The following CEP350 variants were observed in gnomAD, a reference collection of about 807,000 sequenced individuals.
CEP350 encodes the protein centrosome-associated protein 350.
In CEP350, 126 loss-of-function variants were observed where a neutral mutation model predicts 331.8. The ratio of observed to expected loss-of-function variants is 0.38; its 90% CI spans 0.33 to 0.44. The LOEUF (loss-of-function observed/expected upper bound fraction) is 0.44, where lower values mean the gene tolerates loss of function less well. Among genes scored for constraint, CEP350 ranks in the 20% least tolerant of loss-of-function variants. The pLI is 1.00. For missense variants in CEP350, 3,406 were observed against 3,634.6 expected, an observed-to-expected ratio of 0.94 and a Z score of 1.62; for synonymous variants, 1,200 against 1,259.5, an observed-to-expected ratio of 0.95 and a Z score of 1.00.
chr1:180,065,062 G>T, intron 26 of CEP350, 53 bp from the exon 27 acceptor site: 1 of 1,487,720 alleles, frequency 6.7e-7, no homozygotes, highest in African/African-American at 1.4e-5. Context: ...GTATTATGAT[G>T]GCTTCAAGGT....
chr1:180,036,816 T>C, intron 16 of CEP350, 110 bp from the exon 17 acceptor site: 1 of 1,265,414 alleles, frequency 7.9e-7, no homozygotes. Context: ...GTCCCAGTTT[T>C]TTCTACAAAG....
intron 28 of CEP350, among the ~76,000 whole-genome samples, chr1:180,076,604 C>T (rs1659240032): frequency 6.6e-6 from 1 of 152,066 alleles, no homozygotes; most frequent in African/African-American, 2.4e-5. Context: ...GCCTGGGCAA[C>T]ATGGTAAAAC....
At chr1:179,992,369 A>T (rs1468452373) in intron 5 of CEP350, 148 bp downstream of exon 5, 9 of 594,642 alleles carry the variant, frequency 1.5e-5, no homozygotes, top group Non-Finnish European at 2.3e-5. Flanking sequence ...CATTCTCCAC[A>T]AAAGATGGCT....
At chr1:180,036,395 A>G (rs1361493183) in intron 16 of CEP350, among the ~76,000 whole-genome samples, 1 of 152,234 alleles carries the variant, frequency 6.6e-6, no homozygotes, top group Non-Finnish European at 1.5e-5. Context: ...ACAGCATTAC[A>G]TGCTCCAGAG....
chr1:180,033,868 A>G lies in CEP350; in HGVS notation c.3732A>G (p.Ser1244=), dbSNP rs1656181532. ...EDLSGHSVSV[S]SDKGRSQKTP... is the part of the protein sequence containing the mutation. ...TGTGGATCAAAACTTCTAGTGTCTC[A>G]TCAGATAAGGGAAGATCTCAGAAAA... is the stretch of plus-strand genomic sequence containing the variant. Residue 1244 remains serine (S), a synonymous_variant, in exon 16 of 38, where the codon TCA becomes TCG. Coordinates refer to ENST00000367607, the MANE Select transcript of CEP350 (RefSeq NM_014810.5). The G allele has an allele frequency of 1.9e-6, 3 of 1,613,600 alleles. No individual in the cohort carries two copies. Among genetic ancestry groups the G allele is most frequent in the East Asian group, 4.5e-5 (2 of 44,882 alleles).
chr1:179,999,284 G>GA (rs1653700973), intron 6 of CEP350, among the ~76,000 whole-genome samples: 1 of 151,978 alleles, frequency 6.6e-6, no homozygotes, highest in East Asian at 1.9e-4. Flanking sequence ...GAATGAGAGT[G>GA]AAAATCTTAG....
chr1:180,011,346 CAT>C (rs972485797), intron 8 of CEP350, among the ~76,000 whole-genome samples: 11 of 152,130 alleles, frequency 7.2e-5, no homozygotes, highest in African/African-American at 2.4e-4. Context: ...TTAAAGCAAA[CAT>C]ATTATTTTAT....
At position 180,033,524 on chromosome 1, in the gene CEP350, A is replaced by G. The variant is rs576273382; in HGVS notation, c.3726-338A>G. On this transcript the variant is annotated intron_variant, in intron 15 of 37. Coordinates refer to ENST00000367607, the MANE Select transcript of CEP350 (RefSeq NM_014810.5). ...CCAATTTTATTGCTGTAGAGTGTCT[A>G]TTTTAGAAGACTTTGCTTCATGCTA... Among the ~76,000 whole-genome samples, 229 of 152,232 alleles carry G rather than the reference A, an allele frequency of 1.5e-3. 1 individual carries two copies. Among genetic ancestry groups the G allele is most frequent in the African/African-American group, 4.9e-3 (202 of 41,552 alleles).
At chr1:180,047,728 T>C (rs1196672421) in intron 21 of CEP350, among the ~76,000 whole-genome samples, 1 of 117,922 alleles carries the variant, frequency 8.5e-6, no homozygotes, top group Non-Finnish European at 1.6e-5. Flanking sequence ...GCCACTGCAC[T>C]CCAGCCTGGG....
At chr1:180,077,869 C>G (rs925018982) in intron 28 of CEP350, among the ~76,000 whole-genome samples, 1 of 152,098 alleles carries the variant, frequency 6.6e-6, no homozygotes, top group Non-Finnish European at 1.5e-5. Context: ...CATGGTGGCT[C>G]ACGCCTGTAA....
At position 180,015,900 on chromosome 1, in the gene CEP350, C is replaced by T; in HGVS notation, c.2104C>T (p.Gln702Ter). The change falls in exon 11 of 38, where the codon CAG becomes TAG. Residue 702 changes from glutamine (Q) to a stop codon, truncating the protein, a stop_gained. Coordinates refer to ENST00000367607, the MANE Select transcript of CEP350 (RefSeq NM_014810.5). LOFTEE classifies it high-confidence loss of function. Reference protein sequence around the residue: ...SGESDKENKVQERPPSASSSS... With the variant: ...SGESDKENKV ...AGAATCTGACAAAGAAAACAAAGTA[C>T]AGGAACGTCCCCCAAGTGCATCTTC... is the stretch of plus-strand genomic sequence containing the variant. 1 of 1,613,900 alleles carries T rather than the reference C, an allele frequency of 6.2e-7. No homozygotes were observed. The highest frequency in any genetic ancestry group is 8.5e-7 in the Non-Finnish European group (1 of 1,179,850).
chr1:179,961,397 G>A (rs138938658), intron 1 of CEP350, among the ~76,000 whole-genome samples: 12,683 of 152,172 alleles, frequency 0.083, 707 homozygotes, highest in Non-Finnish European at 0.12. Flanking sequence ...GCAGTGAGCC[G>A]AGATCGCGTC....
chr1:180,011,822 C>A, intron 8 of CEP350, 107 bp from the exon 9 acceptor site: 1 of 712,106 alleles, frequency 1.4e-6, no homozygotes. Flanking sequence ...AATCTTTTGA[C>A]CTTGACAGAT....
intron 1 of CEP350, among the ~76,000 whole-genome samples, chr1:179,965,827 T>C (rs1650974595): frequency 6.6e-6 from 1 of 152,002 alleles, no homozygotes; most frequent in Non-Finnish European, 1.5e-5. Context: ...GGTTTCACCA[T>C]GTTGGCCAGG....
At chr1:180,055,148 T>C (rs1657734628) in intron 25 of CEP350, among the ~76,000 whole-genome samples, 4 of 152,202 alleles carry the variant, frequency 2.6e-5, no homozygotes, top group Admixed American at 2.6e-4. Flanking sequence ...TAAAATAAAC[T>C]TAGAGCAGAC....
chr1:180,004,459 T>C (rs1654072757), intron 7 of CEP350, among the ~76,000 whole-genome samples: 1 of 152,238 alleles, frequency 6.6e-6, no homozygotes, highest in Non-Finnish European at 1.5e-5. Context: ...TACTATGTGA[T>C]AACATGCTGT....
intron 37 of CEP350, among the ~76,000 whole-genome samples, chr1:180,099,780 ATTTTTTTT>A (rs200255438): frequency 1.7e-3 from 204 of 119,486 alleles, no homozygotes; most frequent in Admixed American, 4.3e-3. Flanking sequence ...GCCTTATTTG[ATTTTTTTT>A]TTTTTTTTTT....
At chr1:180,003,697 A>C (rs2148751514) in intron 7 of CEP350, among the ~76,000 whole-genome samples, 1 of 152,272 alleles carries the variant, frequency 6.6e-6, no homozygotes, top group East Asian at 1.9e-4. Context: ...ATAGGAAGGG[A>C]ATAAGTTAGG....
intron 1 of CEP350, among the ~76,000 whole-genome samples, chr1:179,977,820 T>C (rs1215298836): frequency 6.6e-6 from 1 of 150,656 alleles, no homozygotes; most frequent in Non-Finnish European, 1.5e-5. Context: ...TTTGACTCTT[T>C]TGTAATAATT....
Sources: gnomAD v4.1 joint callset for allele counts (sites outside exome capture counted in the v4.1 genomes callset) on GRCh38, gnomAD v4.1.1 for gene constraint, MANE v1.5 for transcripts, NCBI Gene and HGNC (gene_info 2026-07-23, HGNC 2026-07-21) for gene names.